GPHN: variants seen among roughly 807,000 people sequenced by gnomAD.
GPHN encodes the protein gephyrin.
Under a neutral mutation model 95.5 loss-of-function variants are expected in GPHN, and 17 were observed. That is an observed-to-expected ratio of 0.18 (90% confidence interval 0.12 to 0.27). GPHN has a LOEUF of 0.27. Among genes scored for constraint, GPHN ranks in the 10% least tolerant of loss-of-function variants. GPHN has a pLI of 1.00. For synonymous variants in GPHN, 320 were observed against 322.5 expected (o/e 0.99, Z 0.08); for missense variants, 660 against 978.1 (o/e 0.67, Z 4.34).
the GPHN span, among the ~76,000 whole-genome samples, chr14:67,207,123 A>G: frequency 1.3e-5 from 2 of 152,216 alleles, no homozygotes; most frequent in Non-Finnish European, 2.9e-5. Context: ...ATTTTTAAGG[A>G]AATGTAATAG....
intron 11 of GPHN, among the ~76,000 whole-genome samples, chr14:67,070,715 A>AAAAAAAATATATATATATAT: frequency 2.4e-4 from 19 of 80,680 alleles, no homozygotes; most frequent in African/African-American, 1.6e-3. Context: ...AAAAAAAAAA[A>AAAAAAAATATATATATATAT]ATATATATAT....
the GPHN span, among the ~76,000 whole-genome samples, chr14:67,226,142 C>G: frequency 1.3e-5 from 2 of 152,144 alleles, no homozygotes; most frequent in African/African-American, 4.8e-5. Context: ...ACTCTGCCAC[C>G]AAAGCCAGCT....
chr14:67,726,216 G>T, the GPHN span: 2 of 990,814 alleles, frequency 2.0e-6, no homozygotes, highest in South Asian at 2.5e-5. Flanking sequence ...TTAGGAAGAT[G>T]ACACTGTGTA....
intron 2 of GPHN, among the ~76,000 whole-genome samples, chr14:66,763,935 G>A (rs182679160): frequency 6.6e-6 from 1 of 152,154 alleles, no homozygotes; most frequent in Non-Finnish European, 1.5e-5. Flanking sequence ...CCTACATTGT[G>A]TGCGCCTTAT....
intron 8 of GPHN, among the ~76,000 whole-genome samples, chr14:66,956,728 G>A (rs2068533315): frequency 6.6e-6 from 1 of 151,788 alleles, no homozygotes; most frequent in African/African-American, 2.4e-5. Flanking sequence ...TTTTTGATGG[G>A]GTTGTTTGTT....
chr14:67,656,392 C>G, the GPHN span: 1 of 1,562,212 alleles, frequency 6.4e-7, no homozygotes, highest in East Asian at 2.3e-5. Flanking sequence ...ATACTTGCCC[C>G]TTTCCCTGTC....
the GPHN span, chr14:67,733,889 C>A: frequency 2.1e-6 from 3 of 1,451,386 alleles, no homozygotes; most frequent in South Asian, 1.1e-5. Flanking sequence ...CAATCCATGC[C>A]ATAATGAACA....
At chr14:66,601,352 T>G (rs1403314051) in intron 1 of GPHN, among the ~76,000 whole-genome samples, 1 of 152,034 alleles carries the variant, frequency 6.6e-6, no homozygotes, top group Non-Finnish European at 1.5e-5. Flanking sequence ...TGGAGGCTTT[T>G]AGAATCAATA....
the GPHN span, among the ~76,000 whole-genome samples, chr14:67,278,332 G>A: frequency 0.024 from 3,590 of 150,220 alleles, 153 homozygotes; most frequent in African/African-American, 0.085. Flanking sequence ...CACTGCACCC[G>A]GCCCAATTCT....
intron 4 of GPHN, among the ~76,000 whole-genome samples, chr14:66,866,630 G>A (rs987154694): frequency 6.6e-6 from 1 of 152,080 alleles, no homozygotes; most frequent in Non-Finnish European, 1.5e-5. Flanking sequence ...CAGGGGTTGG[G>A]ATCTAAATGT....
chr14:66,798,550 A>G (rs953266000), intron 3 of GPHN, among the ~76,000 whole-genome samples: 8 of 151,816 alleles, frequency 5.3e-5, no homozygotes, highest in African/African-American at 1.7e-4. Context: ...GGTTATACAT[A>G]TCTAGGAATT....
intron 1 of GPHN, among the ~76,000 whole-genome samples, chr14:66,639,427 T>C (rs569077691): frequency 1.3e-5 from 2 of 152,282 alleles, no homozygotes; most frequent in East Asian, 3.9e-4. Flanking sequence ...GTGTCTCTGG[T>C]TCATACATGA....
At chr14:67,293,447 A>G in the GPHN span, among the ~76,000 whole-genome samples, 1 of 152,158 alleles carries the variant, frequency 6.6e-6, no homozygotes, top group East Asian at 1.9e-4. Context: ...TGAGCAGAAA[A>G]TGGGCTATTG....
the GPHN span, among the ~76,000 whole-genome samples, chr14:67,608,115 G>A: frequency 1.1e-4 from 16 of 151,852 alleles, no homozygotes; most frequent in African/African-American, 2.7e-4. Context: ...GTTGTGGCAC[G>A]TGCCTACTGT....
At chr14:66,638,849 C>G (rs1373146698) in intron 1 of GPHN, among the ~76,000 whole-genome samples, 1 of 152,020 alleles carries the variant, frequency 6.6e-6, no homozygotes, top group East Asian at 1.9e-4. Flanking sequence ...GAAGCAGATC[C>G]TCATACTGAG....
chr14:66,758,881 A>G (rs1048265288), intron 2 of GPHN, among the ~76,000 whole-genome samples: 2 of 152,208 alleles, frequency 1.3e-5, no homozygotes, highest in African/African-American at 4.8e-5. Flanking sequence ...TCACAGGGTT[A>G]GTCTAAAACG....
intron 3 of GPHN, among the ~76,000 whole-genome samples, chr14:66,811,514 T>TA (rs2060761242): frequency 8.1e-6 from 1 of 124,162 alleles, no homozygotes; most frequent in Admixed American, 8.0e-5. Flanking sequence ...TTAAGAATCA[T>TA]AAAAATCACT....
In GPHN at chr14:67,180,968, T is replaced by G; in HGVS notation, c.*31T>G. The stretch of plus-strand genomic sequence containing the variant: ...ACCAGCAGGAGAAAGCTTTGATGCA[T>G]GTCCACATATCATTGACTGTATCCT... On this transcript the variant is annotated 3_prime_UTR_variant, in exon 23 of 23. Coordinates refer to ENST00000478722, the MANE Select transcript of GPHN (RefSeq NM_020806.5). 7 of 1,610,392 alleles carry G rather than the reference T, an allele frequency of 4.3e-6. No individual in the cohort carries two copies. The highest frequency in any genetic ancestry group is 5.9e-6 in the Non-Finnish European group (7 of 1,176,774).
chr14:66,552,701 T>C (rs2059858512), intron 1 of GPHN, among the ~76,000 whole-genome samples: 1 of 152,140 alleles, frequency 6.6e-6, no homozygotes, highest in South Asian at 2.1e-4. Context: ...GAATATAAAA[T>C]TCTAGGTCGA....
Sources: allele counts gnomAD v4.1 joint callset (sites outside exome capture counted in the v4.1 genomes callset), GRCh38; gene constraint gnomAD v4.1.1; transcripts MANE v1.5; gene names NCBI Gene and HGNC (gene_info 2026-07-23, HGNC 2026-07-21).